The following PEX3 variants were observed in gnomAD, a reference collection of about 807,000 sequenced individuals.
PEX3 encodes the protein peroxin-3.
Under a neutral mutation model 55.8 loss-of-function variants are expected in PEX3, and 30 were observed. That is an observed-to-expected ratio of 0.54 (90% CI 0.40 to 0.73). The LOEUF (loss-of-function observed/expected upper bound fraction) is 0.73, where lower values mean the gene tolerates loss of function less well. Among genes scored for constraint, PEX3 ranks in the 30% least tolerant of loss-of-function variants. PEX3 has a pLI of 0.00. For missense variants in PEX3, 351 were observed against 432.8 expected, an observed-to-expected ratio of 0.81 and a Z score of 1.68; for synonymous variants, 135 against 148.4, an observed-to-expected ratio of 0.91 and a Z score of 0.66.
Position 143,490,428 on chromosome 6 carries a change from T to C in PEX3, c.*1202T>C, listed in dbSNP as rs1355638678. On this transcript the variant is annotated 3_prime_UTR_variant, in exon 12 of 12. Coordinates refer to ENST00000367591, the MANE Select transcript of PEX3 (RefSeq NM_003630.3). The surrounding 1 kb of genome is among the most constrained non-coding windows in gnomAD (Gnocchi z 6.0). ...GAAGCTCACTGCCAGGGAGTTTGTG[T>C]CTAGAATGTTTTTAAAAATAGGTAG... 5.2e-6 allele frequency: 1 copy of C among 190,998 alleles called. No individual in the cohort carries two copies. The highest frequency in any genetic ancestry group is 1.1e-5 in the Non-Finnish European group (1 of 94,136). 11.8% of individuals were successfully genotyped at this position (190,998 alleles called of 1,614,324 possible).
At chr6:143,472,510 G>A (rs1004970467) in intron 8 of PEX3, among the ~76,000 whole-genome samples, 182 bp downstream of exon 8, 1 of 144,170 alleles carries the variant, frequency 6.9e-6, no homozygotes, top group Non-Finnish European at 1.5e-5. Flanking sequence ...CTAGTAAGAA[G>A]CACTTAACAA....
chr6:143,470,663 C>G (rs993109563), intron 4 of PEX3, among the ~76,000 whole-genome samples: 1 of 152,182 alleles, frequency 6.6e-6, no homozygotes, highest in Admixed American at 6.5e-5. Context: ...AGTTCTGAAG[C>G]TACAATTCTT....
At chr6:143,467,593 AC>A (rs1371188195) in intron 3 of PEX3, among the ~76,000 whole-genome samples, 1 of 152,146 alleles carries the variant, frequency 6.6e-6, no homozygotes, top group Non-Finnish European at 1.5e-5. Flanking sequence ...AACTGTAGAT[AC>A]TATAAAAGAC....
At position 143,451,349 on chromosome 6, in the gene PEX3, TCCTTTTTTCTCACGGA is replaced by T. The variant is rs1779760216; in HGVS notation, c.73+240_73+255del. 6.6e-6 allele frequency among the ~76,000 whole-genome samples: 1 copy of T among 152,118 alleles called. No individual in the cohort carries two copies. The stretch of plus-strand genomic sequence containing the variant: ...GACTCTTAACTCTGTTTCTCACCTA[TCCTTTTTTCTCACGGA>T]CCTTTGGAGAACTCATCACAGTTTA... On this transcript the variant is annotated intron_variant, in intron 1 of 11. Transcript: ENST00000367591. The surrounding 1 kb of genome is among the most constrained non-coding windows in gnomAD (Gnocchi z 4.1).
At chr6:143,468,642 TTTG>T (rs145732071) in intron 4 of PEX3, among the ~76,000 whole-genome samples, 77 of 152,132 alleles carry the variant, frequency 5.1e-4, no homozygotes, top group Middle Eastern at 3.4e-3. Flanking sequence ...CTATTTGTTT[TTTG>T]TTGTTGTTGT....
Position 143,450,966 on chromosome 6 carries a change from G to A in PEX3, c.-77G>A. ...GACGGCGCTCTTGCTGGGTCATCTG[G>A]GCCAGGTGACGAAGAAACAGTTTCC... is the stretch of plus-strand genomic sequence containing the variant. On this transcript the variant is annotated 5_prime_UTR_variant, in exon 1 of 12. Coordinates refer to ENST00000367591, the MANE Select transcript of PEX3 (RefSeq NM_003630.3). 1.8e-6 allele frequency: 2 copies of A among 1,089,280 alleles called. No homozygotes were observed. Among genetic ancestry groups the A allele is most frequent in the Non-Finnish European group, 2.9e-6 (2 of 700,304 alleles). The allele number at this position is 1,089,280 out of a possible 1,614,324, so 67.5% of individuals were successfully genotyped here.
rs1779992752 is a variant in PEX3, at chr6:143,466,411, TG to T, written c.288-1710del. Among the ~76,000 whole-genome samples, 2 of 152,092 alleles carry T rather than the reference TG, an allele frequency of 1.3e-5. No homozygotes were observed. The highest frequency in any genetic ancestry group is 2.1e-4 in the South Asian group (1 of 4,832). ...TGGATGTTGAGGTATTGCAGTGCTT[TG>T]TTTTTAAGGAACCTTTATTTTACTT... On this transcript the variant is annotated intron_variant, in intron 3 of 11. Coordinates refer to ENST00000367591, the MANE Select transcript of PEX3 (RefSeq NM_003630.3). This position sits in a 1 kb window ranked among gnomAD's most constrained non-coding sequence, Gnocchi z 5.4.
In PEX3 at chr6:143,483,076, C is replaced by T. The variant is rs1047409449; in HGVS notation, c.942-2076C>T. Among the ~76,000 whole-genome samples the T allele has an allele frequency of 1.3e-5, 2 of 152,078 alleles. No individual in the cohort carries two copies. The highest frequency in any genetic ancestry group is 2.9e-5 in the Non-Finnish European group (2 of 68,008). On this transcript the variant is annotated intron_variant, in intron 10 of 11. Transcript: ENST00000367591. This position sits in a 1 kb window ranked among gnomAD's most constrained non-coding sequence, Gnocchi z 4.3. ...GAGTGTAATGACATTATATACAGAA[C>T]TTTTGCACATCAGTTAAGGAAGCAA...
chr6:143,482,193 G>C lies in PEX3; in HGVS notation c.942-2959G>C, dbSNP rs1156883724. Among the ~76,000 whole-genome samples the C allele has an allele frequency of 6.6e-6, 1 of 151,972 alleles. No homozygotes were observed. Among genetic ancestry groups the C allele is most frequent in the African/African-American group, 2.4e-5 (1 of 41,396 alleles). On this transcript the variant is annotated intron_variant, in intron 10 of 11. Transcript: ENST00000367591. The surrounding 1 kb of genome is among the most constrained non-coding windows in gnomAD (Gnocchi z 5.5). ...TGATTTTTTTCTATACTTATATCTTGAAAATAGGTAACTTTTACTGTTGGA... is the reference window on the plus strand; with the variant it reads ...TGATTTTTTTCTATACTTATATCTTCAAAATAGGTAACTTTTACTGTTGGA...
At chr6:143,468,940 T>TG (rs1257761434) in intron 4 of PEX3, among the ~76,000 whole-genome samples, 1 of 152,000 alleles carries the variant, frequency 6.6e-6, no homozygotes, top group Non-Finnish European at 1.5e-5. Flanking sequence ...TTTCTGTCCT[T>TG]GCAATAGTTT....
rs889580924 is a variant in PEX3, at chr6:143,486,758, A to T, written c.1038+1510A>T. ...GAATTACTGCTACTACTTCAACTAC[A>T]ATGGTGTGTAGGAGAGCCTATGGTG... On this transcript the variant is annotated intron_variant, in intron 11 of 11. Coordinates refer to ENST00000367591, the MANE Select transcript of PEX3 (RefSeq NM_003630.3). The surrounding 1 kb of genome is among the most constrained non-coding windows in gnomAD (Gnocchi z 5.0). Among the ~76,000 whole-genome samples, 1 of 152,140 alleles carries T rather than the reference A, an allele frequency of 6.6e-6. No individual in the cohort carries two copies.
In PEX3 at chr6:143,465,697, T is replaced by G. The variant is rs1779982811; in HGVS notation, c.288-2425T>G. Reference sequence around the variant, plus strand: ...CAGTTTAATCCGAATACATATGACATTCTGCCGTGAGTCTTGAACACTAGA... The same window carrying G: ...CAGTTTAATCCGAATACATATGACAGTCTGCCGTGAGTCTTGAACACTAGA... On this transcript the variant is annotated intron_variant, in intron 3 of 11. Coordinates refer to ENST00000367591, the MANE Select transcript of PEX3 (RefSeq NM_003630.3). This position sits in a 1 kb window ranked among gnomAD's most constrained non-coding sequence, Gnocchi z 4.7. Among the ~76,000 whole-genome samples, 1 of 152,034 alleles carries G rather than the reference T, an allele frequency of 6.6e-6. No individual in the cohort carries two copies. Among genetic ancestry groups the G allele is most frequent in the Non-Finnish European group, 1.5e-5 (1 of 67,914 alleles).
At chr6:143,470,696 G>A (rs750213607) in intron 4 of PEX3, among the ~76,000 whole-genome samples, 2 of 152,014 alleles carry the variant, frequency 1.3e-5, no homozygotes, top group Non-Finnish European at 2.9e-5. Context: ...ACTTTTCCTT[G>A]TTTTCCTTTC....
intron 8 of PEX3, among the ~76,000 whole-genome samples, chr6:143,473,171 C>A (rs1179636662): frequency 6.6e-6 from 1 of 152,112 alleles, no homozygotes; most frequent in Non-Finnish European, 1.5e-5. Flanking sequence ...TTTTCATTGC[C>A]TGCAGGATTT....
In PEX3 at chr6:143,483,680, T is replaced by G. The variant is rs1780273205; in HGVS notation, c.942-1472T>G. On this transcript the variant is annotated intron_variant, in intron 10 of 11. Coordinates refer to ENST00000367591, the MANE Select transcript of PEX3 (RefSeq NM_003630.3). The surrounding 1 kb of genome is among the most constrained non-coding windows in gnomAD (Gnocchi z 4.3). ...GTAATGGAATTTACATTGTATGATT[T>G]CTTTGACTGGTTTGTGGAAAAGGAA... 6.6e-6 allele frequency among the ~76,000 whole-genome samples: 1 copy of G among 152,160 alleles called. No individual in the cohort carries two copies. Among genetic ancestry groups the G allele is most frequent in the African/African-American group, 2.4e-5 (1 of 41,442 alleles).
intron 10 of PEX3, among the ~76,000 whole-genome samples, chr6:143,481,045 T>C (rs1400823768): frequency 2.0e-5 from 3 of 150,992 alleles, no homozygotes; most frequent in African/African-American, 4.9e-5. Context: ...TTTTAACTAT[T>C]GGCAAAGACA....
In PEX3 at chr6:143,490,587, G is replaced by T; in HGVS notation, c.*1361G>T. 1 of 866,756 alleles carries T rather than the reference G, an allele frequency of 1.2e-6. No individual in the cohort carries two copies. Among genetic ancestry groups the T allele is most frequent in the Non-Finnish European group, 1.7e-6 (1 of 603,312 alleles). The allele number at this position is 866,756 out of a possible 1,614,324, so 53.7% of individuals were successfully genotyped here. ...TGTCTTCACCAAGGGATATGGATTT[G>T]GCTTAATAAAACCTGATTTGAAAAC... On this transcript the variant is annotated 3_prime_UTR_variant, in exon 12 of 12. Coordinates refer to ENST00000367591, the MANE Select transcript of PEX3 (RefSeq NM_003630.3). The surrounding 1 kb of genome is among the most constrained non-coding windows in gnomAD (Gnocchi z 6.0).
chr6:143,470,874 C>T, intron 4 of PEX3, 87 bp from the exon 5 acceptor site: 1 of 1,120,226 alleles, frequency 8.9e-7, no homozygotes, highest in Non-Finnish European at 1.3e-6. Flanking sequence ...TAAAAGTCAT[C>T]TTACAAAAAA....
intron 4 of PEX3, among the ~76,000 whole-genome samples, chr6:143,468,804 C>G (rs1780026739): frequency 6.6e-5 from 1 of 15,130 alleles, no homozygotes; most frequent in Non-Finnish European, 1.6e-4. Context: ...AATGCTATCC[C>G]CCCCCCCCCC....
Sources: gnomAD v4.1 joint callset for allele counts (sites outside exome capture counted in the v4.1 genomes callset) on GRCh38, gnomAD v4.1.1 for gene constraint, Gnocchi (gnomAD v3.1) non-coding constraint, MANE v1.5 for transcripts, NCBI Gene and HGNC (gene_info 2026-07-23, HGNC 2026-07-21) for gene names.